Variants in SGMS2 observed in about 807,000 individuals in gnomAD.
The protein encoded by SGMS2 is sphingomyelin synthase 2.
Under a neutral mutation model 43.8 loss-of-function variants are expected in SGMS2, and 21 were observed. The ratio of observed to expected loss-of-function variants is 0.48; its 90% confidence interval spans 0.34 to 0.69. The LOEUF is 0.69. Ranked by LOEUF, SGMS2 falls within the 30% of genes least tolerant of loss-of-function variation. SGMS2 has a pLI of 0.01. For missense variants in SGMS2, 384 were observed against 443.2 expected (o/e 0.87, Z 1.20); for synonymous variants, 167 against 160.6 (o/e 1.04, Z -0.30).
At chr4:107,835,586 C>T (rs76790810) in intron 1 of SGMS2, among the ~76,000 whole-genome samples, 3,662 of 152,198 alleles carry the variant, frequency 0.024, 147 homozygotes, top group African/African-American at 0.084. Context: ...AGTGTCGCAT[C>T]GGACTCTGAC....
chr4:107,873,117 T>A (rs1728665732), intron 2 of SGMS2, among the ~76,000 whole-genome samples: 1 of 152,332 alleles, frequency 6.6e-6, no homozygotes. Flanking sequence ...ATGGGATTTG[T>A]TTCAAAATAA....
rs1732330595 is a variant in SGMS2, at chr4:107,914,484, ATAT to A, written c.*3937_*3939del. Reference sequence around the variant, plus strand: ...ATGTTACCGTATATTCACAAAAGAAATATTATTACAAGGTTTCAGAGGTAGCCA... The same window carrying A: ...ATGTTACCGTATATTCACAAAAGAAATATTACAAGGTTTCAGAGGTAGCCA... On this transcript the variant is annotated 3_prime_UTR_variant, in exon 7 of 7. Coordinates refer to ENST00000690982, the MANE Select transcript of SGMS2 (RefSeq NM_001375905.1). 6.6e-6 allele frequency: 1 copy of A among 152,150 alleles called. No individual in the cohort carries two copies. Among genetic ancestry groups the A allele is most frequent in the African/African-American group, 2.4e-5 (1 of 41,446 alleles). 9.4% of individuals were successfully genotyped at this position (152,150 alleles called of 1,614,324 possible). A position where few individuals can be genotyped will look rare whatever the true frequency, so the allele number is the denominator to read the frequency against.
intron 2 of SGMS2, among the ~76,000 whole-genome samples, chr4:107,872,093 G>A (rs1245891762): frequency 6.6e-6 from 1 of 152,098 alleles, no homozygotes; most frequent in African/African-American, 2.4e-5. Flanking sequence ...CATCTTCAGA[G>A]GAATCTTTTT....
chr4:107,871,429 ATC>A (rs1325426077), intron 2 of SGMS2, among the ~76,000 whole-genome samples: 2 of 151,994 alleles, frequency 1.3e-5, no homozygotes, highest in Admixed American at 6.6e-5. Flanking sequence ...AAAAGTTTTT[ATC>A]TCTCATTGTT....
At chr4:107,851,305 C>T (rs1414569163) in intron 1 of SGMS2, among the ~76,000 whole-genome samples, 2 of 152,094 alleles carry the variant, frequency 1.3e-5, no homozygotes, top group African/African-American at 2.4e-5. Context: ...AGAAGCAAAC[C>T]GCTGATAACT....
intron 2 of SGMS2, among the ~76,000 whole-genome samples, chr4:107,878,063 G>A (rs545890149): frequency 2.6e-5 from 4 of 151,558 alleles, no homozygotes; most frequent in African/African-American, 4.9e-5. Flanking sequence ...CTACAGGTGC[G>A]CACCACCATG....
intron 1 of SGMS2, among the ~76,000 whole-genome samples, chr4:107,854,407 T>C (rs1169585274): frequency 6.6e-6 from 1 of 152,210 alleles, no homozygotes; most frequent in Non-Finnish European, 1.5e-5. Flanking sequence ...AGGTGGAGCC[T>C]GAGATGACTA....
chr4:107,875,920 C>A (rs939712327), intron 2 of SGMS2, among the ~76,000 whole-genome samples: 1 of 152,144 alleles, frequency 6.6e-6, no homozygotes, highest in Non-Finnish European at 1.5e-5. Flanking sequence ...CATAGGACTT[C>A]AGGACACTAG....
At chr4:107,858,627 AC>A (rs1216792723) in intron 2 of SGMS2, 74 bp downstream of exon 2, 2 of 152,206 alleles carry the variant, frequency 1.3e-5, no homozygotes, top group African/African-American at 4.8e-5. Flanking sequence ...AGTCTAACTT[AC>A]ATCAGCTGAA....
chr4:107,860,320 A>C (rs1727655391), intron 2 of SGMS2, among the ~76,000 whole-genome samples: 1 of 152,114 alleles, frequency 6.6e-6, no homozygotes, highest in South Asian at 2.1e-4. Flanking sequence ...GATGTTCCAC[A>C]GTTAAAATAG....
At chr4:107,865,183 C>G (rs1356599714) in intron 2 of SGMS2, among the ~76,000 whole-genome samples, 1 of 152,142 alleles carries the variant, frequency 6.6e-6, no homozygotes, top group Non-Finnish European at 1.5e-5. Context: ...GAACAAAGTT[C>G]TAAGACATAA....
chr4:107,835,064 G>GA (rs888512598), intron 1 of SGMS2, among the ~76,000 whole-genome samples: 1 of 151,810 alleles, frequency 6.6e-6, no homozygotes, highest in Non-Finnish European at 1.5e-5. Context: ...AATAATAGAT[G>GA]GGGTTTTTTT....
intron 6 of SGMS2, among the ~76,000 whole-genome samples, chr4:107,909,028 A>G (rs766688751): frequency 6.6e-6 from 1 of 152,190 alleles, no homozygotes; most frequent in Non-Finnish European, 1.5e-5. Context: ...CTGTAAAAGC[A>G]TTGTAGTGCA....
intron 1 of SGMS2, among the ~76,000 whole-genome samples, chr4:107,829,669 TA>T (rs1224776904): frequency 6.6e-6 from 1 of 152,238 alleles, no homozygotes; most frequent in African/African-American, 2.4e-5. Context: ...CTTGTGCAAC[TA>T]ACTGAATTAT....
Position 107,895,478 on chromosome 4 carries a change from A to C in SGMS2, c.-76A>C. Reference sequence around the variant, plus strand: ...AGTCCATGTTGATCTTGGAAATAGAAGGATTGAAAAAAGCTAAATTTCCAC... The same window carrying C: ...AGTCCATGTTGATCTTGGAAATAGACGGATTGAAAAAAGCTAAATTTCCAC... On this transcript the variant is annotated 5_prime_UTR_variant, in exon 3 of 7. Transcript: ENST00000690982. The C allele has an allele frequency of 7.1e-7, 1 of 1,405,808 alleles. No homozygotes were observed. Among genetic ancestry groups the C allele is most frequent in the Admixed American group, 2.2e-5 (1 of 45,058 alleles). The allele number at this position is 1,405,808 out of a possible 1,614,324, so 87.1% of individuals were successfully genotyped here. A position where few individuals can be genotyped will look rare whatever the true frequency, so the allele number is the denominator to read the frequency against.
chr4:107,847,660 C>T (rs1029868754), intron 1 of SGMS2, among the ~76,000 whole-genome samples: 9 of 152,018 alleles, frequency 5.9e-5, no homozygotes, highest in Non-Finnish European at 5.9e-5. Flanking sequence ...TTGGGTGTTG[C>T]GTTGCATCTT....
At chr4:107,833,847 G>A (rs1726026101) in intron 1 of SGMS2, among the ~76,000 whole-genome samples, 1 of 152,216 alleles carries the variant, frequency 6.6e-6, no homozygotes, top group Non-Finnish European at 1.5e-5. Context: ...AAGCAGAAGA[G>A]TCACAGCAGG....
chr4:107,893,592 C>T (rs191527234), intron 2 of SGMS2: 1 of 152,424 alleles, frequency 6.6e-6, no homozygotes, highest in Admixed American at 6.5e-5. Context: ...ATGTCAAAGG[C>T]CTGGGTCTTT....
chr4:107,854,478 T>C (rs991460904), intron 1 of SGMS2, among the ~76,000 whole-genome samples: 1 of 152,228 alleles, frequency 6.6e-6, no homozygotes, highest in African/African-American at 2.4e-5. Flanking sequence ...GGCTGTTCTT[T>C]AGCCAGACAA....
Sources: allele counts gnomAD v4.1 joint callset (sites outside exome capture counted in the v4.1 genomes callset), GRCh38; gene constraint gnomAD v4.1.1; transcripts MANE v1.5; gene names NCBI Gene and HGNC (gene_info 2026-07-23, HGNC 2026-07-21).